The following COL26A1 variants were observed in gnomAD, a reference collection of about 807,000 sequenced individuals.
The protein encoded by COL26A1 is collagen alpha-1(XXVI) chain.
COL26A1 carries 41 observed loss-of-function variants against 59.3 expected under a neutral mutation model. That is an observed-to-expected ratio of 0.69 (90% CI 0.54 to 0.90). COL26A1 has a LOEUF of 0.90. Ranked by LOEUF, COL26A1 falls within the 40% of genes least tolerant of loss-of-function variation. The probability of loss-of-function intolerance (pLI) is 0.00; values close to 1 mark genes in which losing one functional copy is unlikely to be tolerated. For missense variants in COL26A1, 612 were observed against 602.3 expected (o/e 1.02, Z -0.17); for synonymous variants, 266 against 256.0 (o/e 1.04, Z -0.37).
chr7:101,420,551 C>G, intron 2 of COL26A1, among the ~76,000 whole-genome samples: 1 of 152,266 alleles, frequency 6.6e-6, no homozygotes, highest in South Asian at 2.1e-4. Flanking sequence ...GTCCCTCTCA[C>G]TGGCCCTACT....
chr7:101,372,782 G>A (rs1040620859), intron 1 of COL26A1, among the ~76,000 whole-genome samples: 6 of 152,100 alleles, frequency 3.9e-5, no homozygotes, highest in African/African-American at 1.4e-4. Context: ...GATTGCTTGA[G>A]CTCAGGAGTT....
At chr7:101,370,153 G>A (rs79328441) in intron 1 of COL26A1, among the ~76,000 whole-genome samples, 4 of 151,292 alleles carry the variant, frequency 2.6e-5, no homozygotes, top group South Asian at 2.1e-4. Context: ...GAACCACCGC[G>A]CCTGGCCTGA....
chr7:101,387,919 G>A lies in COL26A1; in HGVS notation c.158+24729G>A, dbSNP rs988001327. Among the ~76,000 whole-genome samples the A allele has an allele frequency of 3.3e-5, 5 of 150,710 alleles. No individual in the cohort carries two copies. The South Asian group carries it at 6.3e-4, about 19-fold the overall frequency. On this transcript the variant is annotated intron_variant, in intron 1 of 12. Transcript: ENST00000313669. ...CGAGTAGCTGGGACTATAGGCATGC[G>A]CCACCATACCTGGCTAGTTTTTGTT... is the stretch of plus-strand genomic sequence containing the variant.
Position 101,489,300 on chromosome 7 carries a change from G to C in COL26A1, c.385+41513G>C, listed in dbSNP as rs529780422. On this transcript the variant is annotated intron_variant, in intron 3 of 12. Transcript: ENST00000313669. ...GTCCCACATGAAGTTAGAATATGTGGAGTCCAGCTAGGGAAAGAGGTGCCA... is the reference window on the plus strand; with the variant it reads ...GTCCCACATGAAGTTAGAATATGTGCAGTCCAGCTAGGGAAAGAGGTGCCA... Among the ~76,000 whole-genome samples the C allele has an allele frequency of 5.8e-4, 89 of 152,260 alleles. 2 individuals are homozygous for C. The South Asian group carries it at 0.018, about 32-fold the overall frequency.
intron 1 of COL26A1, among the ~76,000 whole-genome samples, chr7:101,378,632 G>C (rs1199145150): frequency 2.6e-5 from 4 of 152,104 alleles, no homozygotes; most frequent in African/African-American, 9.7e-5. Context: ...GGGACACCAA[G>C]ACCGGTGGGG....
Position 101,557,644 on chromosome 7 carries a change from T to C in COL26A1, c.*114T>C. On this transcript the variant is annotated 3_prime_UTR_variant, in exon 13 of 13. Transcript: ENST00000313669. ...GGAACTGGGCTCCAGGCATGGATGA[T>C]TGTGAGGACATGGGGGGCTTTGGGG... The C allele has an allele frequency of 9.1e-7, 1 of 1,099,688 alleles. No homozygotes were observed. Among genetic ancestry groups the C allele is most frequent in the Non-Finnish European group, 1.3e-6 (1 of 787,934 alleles). 68.1% of individuals were successfully genotyped at this position (1,099,688 alleles called of 1,614,324 possible). A position where few individuals can be genotyped will look rare whatever the true frequency, so the allele number is the denominator to read the frequency against.
intron 1 of COL26A1, among the ~76,000 whole-genome samples, chr7:101,412,482 T>C (rs368492262): frequency 6.6e-6 from 1 of 151,802 alleles, no homozygotes; most frequent in African/African-American, 2.4e-5. Context: ...CCCTCTCTAC[T>C]AAAAGTATAA....
Position 101,553,073 on chromosome 7 carries a change from A to G in COL26A1, c.1030-253A>G, listed in dbSNP as rs1795893478. The G allele has an allele frequency of 1.4e-5, 5 of 355,580 alleles. No individual in the cohort carries two copies. The South Asian group carries it at 3.9e-4, about 28-fold the overall frequency. 22.0% of individuals were successfully genotyped at this position (355,580 alleles called of 1,614,324 possible). A position where few individuals can be genotyped will look rare whatever the true frequency, so the allele number is the denominator to read the frequency against. ...TAGCCTGAGTCTCTTCTGCCCCAGAAGCAGAATGAAGCACTTACAGCCAAC... is the reference window on the plus strand; with the variant it reads ...TAGCCTGAGTCTCTTCTGCCCCAGAGGCAGAATGAAGCACTTACAGCCAAC... On this transcript the variant is annotated intron_variant, in intron 10 of 12. Coordinates refer to ENST00000313669, the MANE Select transcript of COL26A1 (RefSeq NM_001278563.3).
chr7:101,467,143 G>A (rs1329115461), intron 3 of COL26A1, among the ~76,000 whole-genome samples: 4 of 152,074 alleles, frequency 2.6e-5, no homozygotes, highest in Non-Finnish European at 5.9e-5. Context: ...GACAGAGGCC[G>A]GAAGTCAGGA....
chr7:101,542,875 T>G (rs538942307), intron 5 of COL26A1, among the ~76,000 whole-genome samples: 73 of 152,172 alleles, frequency 4.8e-4, no homozygotes, highest in Non-Finnish European at 9.6e-4. Flanking sequence ...TTCAGATCTT[T>G]CTTGGGGGAT....
chr7:101,450,917 C>T (rs1049869039), intron 3 of COL26A1, among the ~76,000 whole-genome samples: 1 of 132,074 alleles, frequency 7.6e-6, no homozygotes, highest in African/African-American at 3.4e-5. Flanking sequence ...TTTATATATT[C>T]CAGTAATATA....
At chr7:101,489,695 T>TTG (rs1465683182) in intron 3 of COL26A1, among the ~76,000 whole-genome samples, 1 of 17,412 alleles carries the variant, frequency 5.7e-5, no homozygotes. Flanking sequence ...CTTTCTTTCT[T>TTG]TCTGTCTTTC....
At chr7:101,500,242 A>AG (rs200224959) in intron 3 of COL26A1, among the ~76,000 whole-genome samples, 4 of 151,958 alleles carry the variant, frequency 2.6e-5, no homozygotes, top group Non-Finnish European at 4.4e-5. Context: ...GATTGCCGGG[A>AG]GGGGGGGCAA....
intron 1 of COL26A1, among the ~76,000 whole-genome samples, chr7:101,376,798 G>T (rs146352264): frequency 1.3e-5 from 2 of 152,140 alleles, no homozygotes; most frequent in Admixed American, 6.5e-5. Context: ...GGGAGGGATC[G>T]GAGGGTGCTC....
chr7:101,439,004 C>T (rs1443049427), intron 2 of COL26A1, among the ~76,000 whole-genome samples: 2 of 152,136 alleles, frequency 1.3e-5, no homozygotes, highest in Admixed American at 1.3e-4. Context: ...CTGATTTTGC[C>T]ATCCTTAAAA....
intron 3 of COL26A1, among the ~76,000 whole-genome samples, chr7:101,460,050 C>T (rs1793573399): frequency 6.6e-6 from 1 of 152,156 alleles, no homozygotes; most frequent in South Asian, 2.1e-4. Flanking sequence ...AAGTGACTCC[C>T]CATGAATCTG....
rs754018000 is a variant in COL26A1, at chr7:101,539,928, C to T, written c.483C>T (p.Ser161=). 2 of 1,613,532 alleles carry T rather than the reference C, an allele frequency of 1.2e-6. No individual in the cohort carries two copies. The highest frequency in any genetic ancestry group is 4.5e-5 in the East Asian group (2 of 44,856). Residue 161 remains serine, a synonymous_variant, in exon 5 of 13, where the codon AGC becomes AGT. Transcript: ENST00000313669. ...LLLEAAERPS[S]PDNDLPAPES... ...TAGAAGCAGCAGAACGGCCCTCCAGCCCGGACAACGACCTGCCAGCCCCCG... is the reference window on the plus strand; with the variant it reads ...TAGAAGCAGCAGAACGGCCCTCCAGTCCGGACAACGACCTGCCAGCCCCCG...
rs151284457 is a variant in COL26A1, at chr7:101,442,853, G to C, written c.282-4831G>C. 2.7e-3 allele frequency among the ~76,000 whole-genome samples: 407 copies of C among 152,340 alleles called. 1 individual carries two copies. The highest frequency in any genetic ancestry group is 9.4e-3 in the African/African-American group (391 of 41,580). ...TGAGCACGTGTTTGTGTGAGTGCGT[G>C]TGTGGAAGTGTGCACGAGTGTGTTT... On this transcript the variant is annotated intron_variant, in intron 2 of 12. Transcript: ENST00000313669.
chr7:101,394,203 T>G (rs1791800068), intron 1 of COL26A1, among the ~76,000 whole-genome samples: 1 of 152,068 alleles, frequency 6.6e-6, no homozygotes, highest in African/African-American at 2.4e-5. Context: ...AACCAGAGGT[T>G]GGAGTGATGT....
Sources: gnomAD v4.1 joint callset for allele counts (sites outside exome capture counted in the v4.1 genomes callset) on GRCh38, gnomAD v4.1.1 for gene constraint, MANE v1.5 for transcripts, NCBI Gene and HGNC (gene_info 2026-07-23, HGNC 2026-07-21) for gene names.